ABL2: variants seen among roughly 807,000 people sequenced by gnomAD.
ABL2 encodes the protein ABL proto-oncogene 2, non-receptor tyrosine kinase, also known as tyrosine-protein kinase ABL2.
ABL2 carries 49 observed loss-of-function variants against 107.7 expected under a neutral mutation model. The observed-to-expected ratio is 0.45, with a 90% confidence interval of 0.36 to 0.58. ABL2 has a LOEUF of 0.58. Ranked by LOEUF, ABL2 falls within the 20% of genes least tolerant of loss-of-function variation. The pLI, the probability that ABL2 is intolerant of heterozygous loss-of-function variation, is 0.00. For missense variants in ABL2, 1,245 were observed against 1,457.0 expected (o/e 0.85, Z 2.37); for synonymous variants, 549 against 548.6 (o/e 1.00, Z -0.01).
In ABL2 at chr1:179,199,641, T is replaced by G. The variant is rs766491337; in HGVS notation, c.157+29600A>C. On this transcript the variant is annotated intron_variant, in intron 1 of 11. Transcript: ENST00000502732. Reference sequence around the variant, plus strand: ...CCCTATGCAGCAGGCATTATCCTCATTTTATAAATGAAGAAATAATTAAAC... The same window carrying G: ...CCCTATGCAGCAGGCATTATCCTCAGTTTATAAATGAAGAAATAATTAAAC... Among the ~76,000 whole-genome samples the G allele has an allele frequency of 2.0e-5, 3 of 152,168 alleles. No individual in the cohort carries two copies. The South Asian group carries it at 6.2e-4, about 32-fold the overall frequency.
chr1:179,195,928 C>A (rs1040909166), intron 1 of ABL2, among the ~76,000 whole-genome samples: 38 of 152,286 alleles, frequency 2.5e-4, no homozygotes, highest in African/African-American at 8.4e-4. Flanking sequence ...GAGCTTCAGT[C>A]TGGAAGAAGA....
chr1:179,141,984 T>C (rs1328951072), intron 1 of ABL2, among the ~76,000 whole-genome samples: 1 of 152,222 alleles, frequency 6.6e-6, no homozygotes, highest in Non-Finnish European at 1.5e-5. Context: ...AATGTCAGTG[T>C]TACCCAGTAG....
At chr1:179,153,938 T>G (rs938048081) in intron 1 of ABL2, among the ~76,000 whole-genome samples, 3 of 152,194 alleles carry the variant, frequency 2.0e-5, no homozygotes, top group Non-Finnish European at 4.4e-5. Flanking sequence ...TACATGTACA[T>G]GTGTATGTTT....
intron 1 of ABL2, among the ~76,000 whole-genome samples, chr1:179,158,447 A>T (rs1486374062): frequency 6.6e-6 from 1 of 152,196 alleles, no homozygotes; most frequent in Non-Finnish European, 1.5e-5. Flanking sequence ...ACAATTCTGG[A>T]ATAGGATTTG....
chr1:179,159,080 T>C (rs1383125120), intron 1 of ABL2, among the ~76,000 whole-genome samples: 1 of 152,212 alleles, frequency 6.6e-6, no homozygotes, highest in Non-Finnish European at 1.5e-5. Flanking sequence ...ATTCCCTGGG[T>C]CTGAATACTA....
At chr1:179,146,981 G>A (rs1033672859) in intron 1 of ABL2, among the ~76,000 whole-genome samples, 1 of 151,726 alleles carries the variant, frequency 6.6e-6, no homozygotes, top group South Asian at 2.1e-4. Context: ...GAGATGGCCT[G>A]AGCCTGGGAG....
chr1:179,212,937 T>C, intron 1 of ABL2, among the ~76,000 whole-genome samples: 1 of 134,902 alleles, frequency 7.4e-6, no homozygotes, highest in East Asian at 2.3e-4. Flanking sequence ...TCTCAGCTAC[T>C]TGGGAGGCTG....
In ABL2 at chr1:179,102,113, G is replaced by A. The variant is rs558002458; in HGVS notation, c.*5605C>T. On this transcript the variant is annotated 3_prime_UTR_variant, in exon 12 of 12. Transcript: ENST00000502732. The stretch of plus-strand genomic sequence containing the variant: ...TGCAAGCTCCGCCTCCTGGGTTCAC[G>A]CCATTCTCCTGCCTCAGCCTCCCCA... 12 of 139,380 alleles carry A rather than the reference G, an allele frequency of 8.6e-5. No individual in the cohort carries two copies. The East Asian group carries it at 1.5e-3, about 18-fold the overall frequency. The allele number at this position is 139,380 out of a possible 1,614,324, so 8.6% of individuals were successfully genotyped here.
In ABL2 at chr1:179,154,637, A is replaced by G. The variant is rs372475879; in HGVS notation, c.158-21263T>C. ...AAAGTGTAATCCTGCCTTACTTAGT[A>G]CCATGTGCAGATTTCATCCTTGAAA... On this transcript the variant is annotated intron_variant, in intron 1 of 11. Coordinates refer to ENST00000502732, the MANE Select transcript of ABL2 (RefSeq NM_007314.4). 2.0e-5 allele frequency among the ~76,000 whole-genome samples: 3 copies of G among 152,334 alleles called. No individual in the cohort carries two copies. In the South Asian group the frequency reaches 6.2e-4, roughly 32 times the overall value.
Position 179,108,261 on chromosome 1 carries a change from A to G in ABL2, c.3006T>C (p.Pro1002=). 1 of 1,612,106 alleles carries G rather than the reference A, an allele frequency of 6.2e-7. No individual in the cohort carries two copies. The highest frequency in any genetic ancestry group is 2.2e-5 in the East Asian group (1 of 44,766). ...CAGTTAGGGCAGTTGGCTCTTCTGT[A>G]GGGTCTGAGCAGATGGACGGATGCT... The part of the protein sequence containing the change: ...LLQHPSICSD[P]TEEPTALTAG... Residue 1002 remains proline, a synonymous_variant, in exon 12 of 12, where the codon CCT becomes CCC. Transcript: ENST00000502732.
Position 179,123,475 on chromosome 1 carries a change from A to C in ABL2, c.688-1608T>G, listed in dbSNP as rs527267096. The stretch of plus-strand genomic sequence containing the variant: ...AGCTGAGATCACGCCACTGCATTCT[A>C]GAGTGGGTGACAGAGCAAGACTCCA... On this transcript the variant is annotated intron_variant, in intron 4 of 11. Coordinates refer to ENST00000502732, the MANE Select transcript of ABL2 (RefSeq NM_007314.4). Among the ~76,000 whole-genome samples, 28 of 152,244 alleles carry C rather than the reference A, an allele frequency of 1.8e-4. No homozygotes were observed. In the South Asian group the frequency reaches 5.8e-3, roughly 32 times the overall value.
At chr1:179,213,067 A>AATATAATG (rs1381381760) in intron 1 of ABL2, among the ~76,000 whole-genome samples, 5 of 151,462 alleles carry the variant, frequency 3.3e-5, no homozygotes, top group Non-Finnish European at 5.9e-5. Flanking sequence ...AAAAAAAAGA[A>AATATAATG]ATATAATGCA....
At chr1:179,170,834 A>T (rs1206987060) in intron 1 of ABL2, among the ~76,000 whole-genome samples, 1 of 151,972 alleles carries the variant, frequency 6.6e-6, no homozygotes, top group Non-Finnish European at 1.5e-5. Context: ...ACCTCAGGTG[A>T]TCTGCCCGCC....
At chr1:179,193,177 T>A (rs1661113352) in intron 1 of ABL2, among the ~76,000 whole-genome samples, 1 of 152,058 alleles carries the variant, frequency 6.6e-6, no homozygotes, top group South Asian at 2.1e-4. Context: ...TTTTCATGTA[T>A]CAAGAAAAAA....
intron 1 of ABL2, among the ~76,000 whole-genome samples, chr1:179,192,736 T>G (rs906074368): frequency 1.3e-5 from 2 of 152,170 alleles, no homozygotes; most frequent in African/African-American, 4.8e-5. Context: ...TAAAACTAGG[T>G]TAAGTAAATT....
intron 1 of ABL2, among the ~76,000 whole-genome samples, chr1:179,169,224 A>G (rs1194177138): frequency 2.0e-5 from 3 of 152,174 alleles, no homozygotes; most frequent in Non-Finnish European, 4.4e-5. Context: ...CACCAGGCAT[A>G]CCACCACTAT....
intron 1 of ABL2, among the ~76,000 whole-genome samples, chr1:179,141,807 A>G (rs1007665010): frequency 1.3e-5 from 2 of 152,226 alleles, no homozygotes; most frequent in Non-Finnish European, 2.9e-5. Flanking sequence ...CATTAGCACC[A>G]AACAAAAGGA....
chr1:179,114,135 A>G (rs1400404065), intron 9 of ABL2, among the ~76,000 whole-genome samples: 2 of 151,792 alleles, frequency 1.3e-5, no homozygotes, highest in Non-Finnish European at 2.9e-5. Context: ...GGTGCCTGTA[A>G]TCCCAGCAAC....
intron 10 of ABL2, chr1:179,110,919 T>C: frequency 1.9e-6 from 3 of 1,597,078 alleles, no homozygotes; most frequent in East Asian, 2.2e-5. Flanking sequence ...AGCGATACTA[T>C]TTTGCATGAA....
Sources: gnomAD v4.1 joint callset for allele counts (sites outside exome capture counted in the v4.1 genomes callset) on GRCh38, gnomAD v4.1.1 for gene constraint, MANE v1.5 for transcripts, NCBI Gene and HGNC (gene_info 2026-07-23, HGNC 2026-07-21) for gene names.